The following SLC17A8 variants were observed in gnomAD, a reference collection of about 807,000 sequenced individuals.
The protein encoded by SLC17A8 is solute carrier family 17 member 8.
SLC17A8 carries 31 observed loss-of-function variants against 58.0 expected under a neutral mutation model. That is an observed-to-expected ratio of 0.53 (90% CI 0.40 to 0.72). The LOEUF is 0.72. Among genes scored for constraint, SLC17A8 ranks in the 30% least tolerant of loss-of-function variants. The pLI is 0.00. For missense variants in SLC17A8, 655 were observed against 727.8 expected (o/e 0.90, Z 1.15); for synonymous variants, 228 against 249.0 (o/e 0.92, Z 0.79).
intron 9 of SLC17A8, among the ~76,000 whole-genome samples, chr12:100,412,059 G>A (rs1289385871): frequency 6.6e-6 from 1 of 152,040 alleles, no homozygotes; most frequent in Non-Finnish European, 1.5e-5. Flanking sequence ...TAGTCAAAGG[G>A]GAATCATTAC....
chr12:100,392,717 C>T (rs1952725447), intron 3 of SLC17A8, among the ~76,000 whole-genome samples: 1 of 152,174 alleles, frequency 6.6e-6, no homozygotes, highest in Admixed American at 6.5e-5. Context: ...GCTGCTTGCT[C>T]TCTTTTCCCA....
At chr12:100,389,481 C>T (rs896238106) in intron 2 of SLC17A8, among the ~76,000 whole-genome samples, 6 of 151,970 alleles carry the variant, frequency 3.9e-5, no homozygotes, top group Admixed American at 3.3e-4. Context: ...CTTAGTAGCC[C>T]CCCAAAACCC....
chr12:100,415,644 G>A lies in SLC17A8; in HGVS notation c.1298-2385G>A, dbSNP rs114893643. Among the ~76,000 whole-genome samples, 921 of 152,176 alleles carry A rather than the reference G, an allele frequency of 6.1e-3. 10 individuals carry two copies. Among genetic ancestry groups the A allele is most frequent in the African/African-American group, 0.021 (862 of 41,530 alleles). ...AGGGTCTCACGATGTTGCCCAAGCTGGTCTCGAACTCCTGGCCTCAAGTGA... is the reference window on the plus strand; with the variant it reads ...AGGGTCTCACGATGTTGCCCAAGCTAGTCTCGAACTCCTGGCCTCAAGTGA... On this transcript the variant is annotated intron_variant, in intron 10 of 11. Transcript: ENST00000323346.
chr12:100,361,076 TC>T (rs1188227642), intron 1 of SLC17A8, among the ~76,000 whole-genome samples: 1 of 152,194 alleles, frequency 6.6e-6, no homozygotes, highest in Non-Finnish European at 1.5e-5. Context: ...GATCAGGTGA[TC>T]CTGGGTTCCA....
rs1225153764 is a variant in SLC17A8 at position 100,402,746 on chromosome 12, G to A, written c.1053+1G>A. On this transcript the variant is annotated splice_donor_variant, in intron 8 of 11. Transcript: ENST00000323346. LOFTEE classifies it high-confidence loss of function. ...GGTCTTTGGATTTGCAATAAGTAAG[G>A]TAAACACACAGATGCTCCAAATATT... 1.9e-6 allele frequency: 3 copies of A among 1,612,834 alleles called. No individual in the cohort carries two copies. The South Asian group carries it at 3.3e-5, about 18-fold the overall frequency.
intron 10 of SLC17A8, among the ~76,000 whole-genome samples, chr12:100,414,226 T>C (rs1184145250): frequency 1.3e-5 from 2 of 152,174 alleles, no homozygotes; most frequent in Non-Finnish European, 2.9e-5. Flanking sequence ...TTATTCCAGG[T>C]TGCCTTAAAT....
At chr12:100,361,582 G>C (rs1352294388) in intron 1 of SLC17A8, among the ~76,000 whole-genome samples, 6 of 152,178 alleles carry the variant, frequency 3.9e-5, no homozygotes, top group Non-Finnish European at 8.8e-5. Context: ...TCCCTAAAAA[G>C]CACAGCCTGA....
At chr12:100,391,273 T>C (rs983877029) in intron 3 of SLC17A8, among the ~76,000 whole-genome samples, 154 bp downstream of exon 3, 1 of 152,028 alleles carries the variant, frequency 6.6e-6, no homozygotes, top group African/African-American at 2.4e-5. Context: ...CAAATGACCC[T>C]GATCTTAATT....
intron 1 of SLC17A8, among the ~76,000 whole-genome samples, chr12:100,365,014 G>A (rs530089125): frequency 1.3e-5 from 2 of 152,264 alleles, no homozygotes; most frequent in East Asian, 1.9e-4. Flanking sequence ...AGCTCATGGA[G>A]AGGCATTGGT....
At chr12:100,397,308 T>A (rs1013436497) in intron 5 of SLC17A8, among the ~76,000 whole-genome samples, 13 of 152,230 alleles carry the variant, frequency 8.5e-5, no homozygotes, top group Non-Finnish European at 8.8e-5. Context: ...ACCTGACTGT[T>A]GATCTGGAAC....
In SLC17A8 at chr12:100,412,794, T is replaced by C. The variant is rs777504456; in HGVS notation, c.1211T>C (p.Leu404Pro). ...GGTTTTGGCATGGAGGCAACCTTACTCCTGGTGGTTGGCTTTTCGCATACC... is the reference window on the plus strand; with the variant it reads ...GGTTTTGGCATGGAGGCAACCTTACCCCTGGTGGTTGGCTTTTCGCATACC... ...CGGFGMEATL[L>P]LVVGFSHTKG... Residue 404 changes from leucine (L) to proline (P), a missense_variant, in exon 10 of 12, where the codon CTC becomes CCC. Physicochemically the swap from Leu to Pro is moderately conservative, Grantham distance 98. Transcript: ENST00000323346. 82 of 1,614,016 alleles carry C rather than the reference T, an allele frequency of 5.1e-5. 1 individual carries two copies. Among genetic ancestry groups the C allele is most frequent in the Non-Finnish European group, 6.9e-5 (81 of 1,179,986 alleles).
intron 10 of SLC17A8, among the ~76,000 whole-genome samples, chr12:100,417,201 C>G (rs75667467): frequency 6.6e-6 from 1 of 152,154 alleles, no homozygotes; most frequent in African/African-American, 2.4e-5. Flanking sequence ...CAACCATGCC[C>G]GGCCAGCAGC....
chr12:100,414,177 A>C (rs1952890537), intron 10 of SLC17A8, among the ~76,000 whole-genome samples: 1 of 152,192 alleles, frequency 6.6e-6, no homozygotes, highest in Non-Finnish European at 1.5e-5. Flanking sequence ...GAAGGATGAC[A>C]GAACAGTTCT....
chr12:100,361,651 G>A (rs964824208), intron 1 of SLC17A8, among the ~76,000 whole-genome samples: 19 of 152,274 alleles, frequency 1.2e-4, no homozygotes, highest in African/African-American at 4.6e-4. Flanking sequence ...AAAAAACTGG[G>A]AGGGAGTAAA....
At chr12:100,380,297 A>C (rs1445744031) in intron 1 of SLC17A8, among the ~76,000 whole-genome samples, 3 of 151,816 alleles carry the variant, frequency 2.0e-5, no homozygotes, top group Non-Finnish European at 4.4e-5. Context: ...CTCTTTCAGC[A>C]GGAAATGCAG....
chr12:100,380,418 G>A (rs1952626923), intron 1 of SLC17A8, among the ~76,000 whole-genome samples: 1 of 151,780 alleles, frequency 6.6e-6, no homozygotes, highest in Non-Finnish European at 1.5e-5. Context: ...ACCTCATGGG[G>A]TTGTTATAAA....
chr12:100,398,748 G>C (rs984477122), intron 5 of SLC17A8, among the ~76,000 whole-genome samples: 2 of 152,128 alleles, frequency 1.3e-5, no homozygotes, highest in African/African-American at 4.8e-5. Flanking sequence ...TCATCTTGTA[G>C]CTCCCATAAT....
chr12:100,389,073 C>T (rs956690319), intron 2 of SLC17A8, among the ~76,000 whole-genome samples: 5 of 152,110 alleles, frequency 3.3e-5, no homozygotes, highest in Non-Finnish European at 5.9e-5. Flanking sequence ...CAGGAAGTTT[C>T]CTCTGAGGAA....
In SLC17A8 at chr12:100,418,101, GA is replaced by G; in HGVS notation, c.1372del (p.Thr458ProfsTer14). ...CTCATGGGGATCTCAAACGGAGTGG[GA>G]ACCCTCTCTGGAATGGTCTGTCCCC... ...SILMGISNGV[G>X]TLSGMVCPLI... On this transcript the variant is annotated frameshift_variant, in exon 11 of 12. Transcript: ENST00000323346. LOFTEE classifies it high-confidence loss of function. 1 of 1,614,166 alleles carries G rather than the reference GA, an allele frequency of 6.2e-7. No individual in the cohort carries two copies. Among genetic ancestry groups the G allele is most frequent in the Non-Finnish European group, 8.5e-7 (1 of 1,180,030 alleles).
Sources: gnomAD v4.1 joint callset for allele counts (sites outside exome capture counted in the v4.1 genomes callset) on GRCh38, gnomAD v4.1.1 for gene constraint, MANE v1.5 for transcripts, NCBI Gene and HGNC (gene_info 2026-07-23, HGNC 2026-07-21) for gene names.